The following WWOX variants were observed in gnomAD, a reference collection of about 807,000 sequenced individuals.
WWOX encodes the protein WW domain containing oxidoreductase.
A neutral mutation model predicts 46.2 loss-of-function variants in WWOX; 69 were observed. The ratio of observed to expected loss-of-function variants is 1.49; its 90% CI spans 1.23 to 1.82. The LOEUF is 1.82. Ranked by LOEUF, WWOX falls within the 40% of genes most tolerant of loss-of-function variation. The pLI, the probability that WWOX is intolerant of heterozygous loss-of-function variation, is 0.00. For missense variants in WWOX, 919 were observed against 542.6 expected (o/e 1.69, Z -6.89); for synonymous variants, 359 against 202.6 (o/e 1.77, Z -6.56).
At chr16:78,147,398 C>G (rs17650073) in intron 4 of WWOX, among the ~76,000 whole-genome samples, 20,068 of 151,984 alleles carry the variant, frequency 0.13, 1,458 homozygotes, top group Admixed American at 0.19. Flanking sequence ...GGAACTCTGG[C>G]CGTTGATGTA....
intron 8 of WWOX, among the ~76,000 whole-genome samples, chr16:79,041,569 G>A (rs959493023): frequency 6.6e-6 from 1 of 152,090 alleles, no homozygotes; most frequent in East Asian, 1.9e-4. Flanking sequence ...AGCCTATGAC[G>A]GGTGAATAAG....
At chr16:79,015,091 G>A (rs564500968) in intron 8 of WWOX, among the ~76,000 whole-genome samples, 12 of 152,302 alleles carry the variant, frequency 7.9e-5, no homozygotes, top group African/African-American at 2.9e-4. Flanking sequence ...AAATTTGGAT[G>A]TGTCGGGGGC....
intron 8 of WWOX, among the ~76,000 whole-genome samples, chr16:78,722,946 G>A (rs536752077): frequency 2.0e-5 from 3 of 152,250 alleles, no homozygotes; most frequent in African/African-American, 2.4e-5. Context: ...GGAGGCTGAG[G>A]CAGGAAGATT....
chr16:78,923,543 T>C (rs1465221763), intron 8 of WWOX, among the ~76,000 whole-genome samples: 1 of 152,112 alleles, frequency 6.6e-6, no homozygotes, highest in East Asian at 1.9e-4. Flanking sequence ...AAATTCTACA[T>C]ACATAATATA....
chr16:78,950,918 T>G (rs2046046815), intron 8 of WWOX, among the ~76,000 whole-genome samples: 3 of 152,138 alleles, frequency 2.0e-5, no homozygotes, highest in Admixed American at 2.0e-4. Flanking sequence ...AAGGATAACA[T>G]TGTCCAGATT....
chr16:78,623,985 C>A (rs13380596), intron 8 of WWOX, among the ~76,000 whole-genome samples: 5 of 152,196 alleles, frequency 3.3e-5, no homozygotes, highest in Admixed American at 3.3e-4. Context: ...AATGAGGGGA[C>A]TTCAAAGTCC....
At chr16:78,602,125 C>G (rs768401689) in intron 8 of WWOX, among the ~76,000 whole-genome samples, 7 of 152,194 alleles carry the variant, frequency 4.6e-5, no homozygotes, top group Non-Finnish European at 8.8e-5. Flanking sequence ...TTGAACTAAT[C>G]ACACTAGTAG....
At chr16:78,408,550 G>C (rs376751451) in intron 6 of WWOX, among the ~76,000 whole-genome samples, 38 of 152,190 alleles carry the variant, frequency 2.5e-4, no homozygotes, top group African/African-American at 7.5e-4. Flanking sequence ...GAGCTAAGGA[G>C]CAGAAAGACT....
intron 8 of WWOX, among the ~76,000 whole-genome samples, chr16:78,533,807 G>T (rs115010347): frequency 6.6e-6 from 1 of 152,106 alleles, no homozygotes; most frequent in Non-Finnish European, 1.5e-5. Context: ...CTCAGAACTC[G>T]CTGGTTCTCG....
chr16:78,454,669 G>A (rs2083774497), intron 8 of WWOX, among the ~76,000 whole-genome samples: 1 of 143,070 alleles, frequency 7.0e-6, no homozygotes, highest in Non-Finnish European at 1.5e-5. Flanking sequence ...CCATACCTGG[G>A]GAATTTTTTT....
chr16:79,173,309 T>TGTG (rs1365369219), intron 8 of WWOX, among the ~76,000 whole-genome samples: 1 of 151,818 alleles, frequency 6.6e-6, no homozygotes, highest in Non-Finnish European at 1.5e-5. Context: ...CCATGTGCCA[T>TGTG]CTTAGAGACG....
At chr16:78,805,115 C>G (rs966903458) in intron 8 of WWOX, among the ~76,000 whole-genome samples, 1 of 151,164 alleles carries the variant, frequency 6.6e-6, no homozygotes, top group Non-Finnish European at 1.5e-5. Context: ...ATATCACTAC[C>G]AAAATATCAA....
intron 8 of WWOX, among the ~76,000 whole-genome samples, chr16:79,074,588 A>AGGTTCTT (rs2048619337): frequency 6.6e-6 from 1 of 151,824 alleles, no homozygotes; most frequent in African/African-American, 2.4e-5. Context: ...TTCTACACTT[A>AGGTTCTT]AGTATCTCCC....
At chr16:79,137,702 G>A (rs575336079) in intron 8 of WWOX, among the ~76,000 whole-genome samples, 23 of 151,694 alleles carry the variant, frequency 1.5e-4, no homozygotes, top group South Asian at 4.2e-4. Flanking sequence ...TCCTTCCCCC[G>A]ACCCTCCTCC....
At chr16:78,890,076 T>C (rs901573193) in intron 8 of WWOX, among the ~76,000 whole-genome samples, 1 of 152,104 alleles carries the variant, frequency 6.6e-6, no homozygotes, top group Non-Finnish European at 1.5e-5. Flanking sequence ...TAATTGCTCC[T>C]AGGGAAATAC....
chr16:79,193,644 C>G (rs1175025061), intron 8 of WWOX, among the ~76,000 whole-genome samples: 1 of 152,168 alleles, frequency 6.6e-6, no homozygotes, highest in Admixed American at 6.5e-5. Flanking sequence ...GACCCTCGCA[C>G]ATCTTTTCTT....
chr16:78,652,464 C>A (rs933850705), intron 8 of WWOX, among the ~76,000 whole-genome samples: 4 of 151,326 alleles, frequency 2.6e-5, no homozygotes, highest in African/African-American at 9.7e-5. Context: ...AGCCATGTCC[C>A]ATGAATTCCA....
chr16:78,857,152 T>C (rs2052585760), intron 8 of WWOX, among the ~76,000 whole-genome samples: 1 of 152,228 alleles, frequency 6.6e-6, no homozygotes, highest in African/African-American at 2.4e-5. Flanking sequence ...TTATCTCACA[T>C]ATGCAAAGAG....
At chr16:78,855,320 TATC>T (rs1245134284) in intron 8 of WWOX, among the ~76,000 whole-genome samples, 1 of 152,210 alleles carries the variant, frequency 6.6e-6, no homozygotes, top group Non-Finnish European at 1.5e-5. Flanking sequence ...TGAATGTTCT[TATC>T]ATAATAAATC....
Sources: allele counts gnomAD v4.1 joint callset (sites outside exome capture counted in the v4.1 genomes callset), GRCh38; gene constraint gnomAD v4.1.1; transcripts MANE v1.5; gene names NCBI Gene and HGNC (gene_info 2026-07-23, HGNC 2026-07-21).